The following FAM20B variants were observed in gnomAD, a reference collection of about 807,000 sequenced individuals.
FAM20B encodes FAM20B glycosaminoglycan xylosylkinase.
Under a neutral mutation model 43.8 loss-of-function variants are expected in FAM20B, and 23 were observed. The ratio of observed to expected loss-of-function variants is 0.53; its 90% CI spans 0.38 to 0.74. The LOEUF is 0.74. FAM20B is among the 30% of genes least tolerant of loss of function. The pLI is 0.00. For missense variants in FAM20B, 440 were observed against 510.5 expected, an observed-to-expected ratio of 0.86 and a Z score of 1.33; for synonymous variants, 178 against 192.4, an observed-to-expected ratio of 0.93 and a Z score of 0.62.
In FAM20B at chr1:179,064,461, C is replaced by T. The variant is rs753683275; in HGVS notation, c.903C>T (p.Gly301=). 26 of 1,613,946 alleles carry T rather than the reference C, an allele frequency of 1.6e-5. No homozygotes were observed. The highest frequency in any genetic ancestry group is 4.4e-5 in the South Asian group (4 of 91,064). ...HHYESFQDDE[G]ASMLILLDNA... ...ATGAGAGCTTTCAAGATGATGAAGG[C>T]GCTAGTATGCTCATCCTTCTTGATA... The change falls in exon 6 of 8, where the codon GGC becomes GGT. Residue 301 remains glycine (G), a synonymous_variant. Transcript: ENST00000263733.
Position 179,050,395 on chromosome 1 carries a change from T to C in FAM20B, c.464+30T>C, listed in dbSNP as rs372697245. 3.8e-5 allele frequency: 60 copies of C among 1,560,670 alleles called. 1 individual carries two copies. In the African/African-American group the frequency reaches 5.7e-4, roughly 15 times the overall value. On this transcript the variant is annotated intron_variant, in intron 3 of 7. Transcript: ENST00000263733. ...GTATGATCACAGCAGCTTATGTTCA[T>C]TTTGTTTGCTTTCAAAAATCTTTCT...
At chr1:179,053,933 G>T (rs72709411) in intron 3 of FAM20B, among the ~76,000 whole-genome samples, 1 of 152,096 alleles carries the variant, frequency 6.6e-6, no homozygotes, top group Non-Finnish European at 1.5e-5. Context: ...TAAATTTTCT[G>T]TGTGTTCCAA....
intron 1 of FAM20B, among the ~76,000 whole-genome samples, chr1:179,038,944 T>C (rs1241707561): frequency 6.6e-6 from 1 of 152,230 alleles, no homozygotes; most frequent in Non-Finnish European, 1.5e-5. Context: ...GAGAATAAAC[T>C]TCATTCAGCT....
At chr1:179,063,127 A>C (rs1371490113) in intron 4 of FAM20B, among the ~76,000 whole-genome samples, 2 of 152,162 alleles carry the variant, frequency 1.3e-5, no homozygotes, top group African/African-American at 2.4e-5. Flanking sequence ...AAATACAAAA[A>C]TTAGCCAAGC....
chr1:179,040,802 C>T (rs1466111960), intron 1 of FAM20B, among the ~76,000 whole-genome samples: 1 of 152,060 alleles, frequency 6.6e-6, no homozygotes, highest in Non-Finnish European at 1.5e-5. Context: ...GGCGGAGACG[C>T]TCCTCACTTC....
chr1:179,073,180 C>T lies in FAM20B; in HGVS notation c.*1036C>T, dbSNP rs1652000261. 6.6e-6 allele frequency: 1 copy of T among 152,024 alleles called. No homozygotes were observed. The highest frequency in any genetic ancestry group is 1.5e-5 in the Non-Finnish European group (1 of 68,028). 9.4% of individuals were successfully genotyped at this position (152,024 alleles called of 1,614,324 possible). A position where few individuals can be genotyped will look rare whatever the true frequency, so the allele number is the denominator to read the frequency against. ...CCCAAGAGATCGGCAACCTTTTTGT[C>T]CCTTTCTCATAAGAAAGGGACACTC... On this transcript the variant is annotated 3_prime_UTR_variant, in exon 8 of 8. Coordinates refer to ENST00000263733, the MANE Select transcript of FAM20B (RefSeq NM_014864.4).
chr1:179,043,600 G>C (rs1014654163), intron 1 of FAM20B, 115 bp from the exon 2 acceptor site: 1 of 415,644 alleles, frequency 2.4e-6, no homozygotes, highest in African/African-American at 2.0e-5. Flanking sequence ...GAACCTTCTT[G>C]AGCTCAAGAA....
chr1:179,033,370 A>T (rs1650086986), intron 1 of FAM20B, among the ~76,000 whole-genome samples: 1 of 152,238 alleles, frequency 6.6e-6, no homozygotes, highest in Admixed American at 6.5e-5. Flanking sequence ...TATACAATGA[A>T]AACAGAAAAA....
intron 1 of FAM20B, chr1:179,035,665 G>A: frequency 2.6e-6 from 1 of 388,624 alleles, no homozygotes; most frequent in South Asian, 2.7e-5. Flanking sequence ...TGGAGGCATG[G>A]ACCGGAGAGG....
intron 1 of FAM20B, among the ~76,000 whole-genome samples, chr1:179,041,256 C>T (rs978354407): frequency 2.0e-5 from 3 of 152,210 alleles, no homozygotes; most frequent in Non-Finnish European, 2.9e-5. Context: ...GACGGGGTGG[C>T]GGCCGAGCAG....
chr1:179,025,595 T>G (rs1649722142), upstream of FAM20B, among the ~76,000 whole-genome samples: 1 of 150,932 alleles, frequency 6.6e-6, no homozygotes, highest in Non-Finnish European at 1.5e-5. Flanking sequence ...GAAGACGGGG[T>G]GGGGGATGGA....
In FAM20B at chr1:179,050,298, G is replaced by A. The variant is rs1277668021; in HGVS notation, c.397G>A (p.Val133Met). The A allele has an allele frequency of 1.2e-6, 2 of 1,613,652 alleles. No individual in the cohort carries two copies. The highest frequency in any genetic ancestry group is 1.7e-6 in the Non-Finnish European group (2 of 1,179,684). Residue 133 changes from valine (V) to methionine (M), a missense_variant, in exon 3 of 8, where the codon GTG becomes ATG. By Grantham distance (21) the Val-to-Met change is conservative (BLOSUM62 1). Transcript: ENST00000263733. The part of the protein sequence containing the change: ...KPKRYSRDHV[V>M]EGEPYAGYDR... ...TTGCAGGTATAGCCGAGACCATGTG[G>A]TGGAAGGGGAACCGTATGCTGGTTA...
chr1:179,063,898 A>G (rs1405594760), intron 4 of FAM20B, 29 bp from the exon 5 acceptor site: 1 of 1,542,940 alleles, frequency 6.5e-7, no homozygotes, highest in South Asian at 1.2e-5. Flanking sequence ...TATTTCCTTA[A>G]GTGTATTTGG....
intron 3 of FAM20B, among the ~76,000 whole-genome samples, chr1:179,053,037 GTTATC>G (rs894847123): frequency 2.0e-5 from 3 of 152,146 alleles, no homozygotes; most frequent in African/African-American, 7.2e-5. Flanking sequence ...ACACCTATTT[GTTATC>G]TTAGAGTATT....
intron 1 of FAM20B, among the ~76,000 whole-genome samples, chr1:179,038,639 G>C (rs1276783104): frequency 6.6e-6 from 1 of 152,208 alleles, no homozygotes; most frequent in Non-Finnish European, 1.5e-5. Flanking sequence ...ACAAGCACTT[G>C]AAAATGTTGT....
intron 4 of FAM20B, among the ~76,000 whole-genome samples, chr1:179,055,454 T>G (rs1305954258): frequency 1.3e-4 from 20 of 152,242 alleles, no homozygotes; most frequent in Admixed American, 1.3e-3. Flanking sequence ...ACTGAATATT[T>G]AAAGGACTTA....
chr1:179,034,074 A>C (rs1485740028), intron 1 of FAM20B, among the ~76,000 whole-genome samples: 1 of 152,218 alleles, frequency 6.6e-6, no homozygotes, highest in Non-Finnish European at 1.5e-5. Flanking sequence ...AACAGTGACT[A>C]CATTCTGCCA....
chr1:179,074,524 C>G lies in FAM20B; in HGVS notation c.*2380C>G, dbSNP rs570337556. On this transcript the variant is annotated 3_prime_UTR_variant, in exon 8 of 8. Transcript: ENST00000263733. ...AGAAGTCTTCTGAAACTGGGAACTT[C>G]ATAACATTGAAGGCAGAAGATTCTG... 3.3e-5 allele frequency: 5 copies of G among 152,312 alleles called. No homozygotes were observed. The highest frequency in any genetic ancestry group is 1.3e-4 in the Admixed American group (2 of 15,292). 9.4% of individuals were successfully genotyped at this position (152,312 alleles called of 1,614,324 possible).
chr1:179,028,717 T>G (rs1649892108), intron 1 of FAM20B, among the ~76,000 whole-genome samples: 1 of 152,220 alleles, frequency 6.6e-6, no homozygotes, highest in Admixed American at 6.5e-5. Flanking sequence ...CCCTACAGTT[T>G]GTTGTAATTG....
Sources: gnomAD v4.1 joint callset for allele counts (sites outside exome capture counted in the v4.1 genomes callset) on GRCh38, gnomAD v4.1.1 for gene constraint, MANE v1.5 for transcripts, NCBI Gene and HGNC (gene_info 2026-07-23, HGNC 2026-07-21) for gene names.